Variants in FKBP11 observed in about 807,000 individuals in gnomAD.
The protein encoded by FKBP11 is FKBP prolyl isomerase 11.
Under a neutral mutation model 24.7 loss-of-function variants are expected in FKBP11, and 21 were observed. The ratio of observed to expected loss-of-function variants is 0.85; its 90% confidence interval spans 0.60 to 1.23. FKBP11 has a LOEUF of 1.23. Ranked by LOEUF, FKBP11 falls within the 50% of genes most tolerant of loss-of-function variation. The pLI, the probability that FKBP11 is intolerant of heterozygous loss-of-function variation, is 0.00. For synonymous variants in FKBP11, 106 were observed against 100.6 expected, an observed-to-expected ratio of 1.05 and a Z score of -0.32; for missense variants, 245 against 248.7, an observed-to-expected ratio of 0.99 and a Z score of 0.10.
chr12:48,923,558 G>C, intron 5 of FKBP11: 1 of 1,551,646 alleles, frequency 6.4e-7, no homozygotes, highest in Non-Finnish European at 8.7e-7. Flanking sequence ...CAAGTTACTG[G>C]CTGCTGGAGG....
upstream of FKBP11, among the ~76,000 whole-genome samples, chr12:48,931,192 A>C (rs1223726846): frequency 6.7e-6 from 1 of 150,072 alleles, no homozygotes; most frequent in Non-Finnish European, 1.5e-5. Context: ...TGTCAGACTA[A>C]GGCAGTGGGA....
the FKBP11 span, chr12:48,936,826 C>G: frequency 6.6e-6 from 1 of 152,078 alleles, no homozygotes. Context: ...AAATGAGCAA[C>G]AGCAGTGAAT....
Position 48,924,647 on chromosome 12 carries a change from C to T in FKBP11, c.197G>A (p.Gly66Glu), listed in dbSNP as rs1352848031. 3 of 1,613,708 alleles carry T rather than the reference C, an allele frequency of 1.9e-6. No individual in the cohort carries two copies. The highest frequency in any genetic ancestry group is 2.7e-5 in the African/African-American group (2 of 74,886). The change falls in exon 3 of 6, where the codon GGA becomes GAA. Residue 66 changes from glycine (G) to glutamate (E), a missense_variant and splice_region_variant. Transcript: ENST00000550765. ...AATAATACGTCCATCTACCAAGCTT[C>T]CCTGGGGGGAGAGAGCATCAAGAGC... ...FGDTLHIHYT[G>E]SLVDGRIIDT...
Position 48,924,579 on chromosome 12 carries a change from G to A in FKBP11, c.265C>T (p.Gln89Ter). The part of the protein sequence containing the change: ...TRDPLVIELG[Q>*]KQVIPGLEQS... ...CACATACCTGGAATCACCTGCTTTT[G>A]GCCAAGTTCTATAACCAGAGGGTCT... Residue 89 changes from glutamine (Q) to a stop codon, truncating the protein, a stop_gained, in exon 3 of 6, where the codon CAA becomes TAA. Transcript: ENST00000550765. LOFTEE classifies it high-confidence loss of function. 1.9e-6 allele frequency: 3 copies of A among 1,614,024 alleles called. No individual in the cohort carries two copies. The highest frequency in any genetic ancestry group is 1.7e-5 in the Admixed American group (1 of 60,022).
At chr12:48,925,139 T>C in intron 1 of FKBP11, 28 bp from the exon 2 acceptor site, 1 of 1,610,926 alleles carries the variant, frequency 6.2e-7, no homozygotes, top group South Asian at 1.1e-5. Context: ...GGGTCACGGA[T>C]GCTCTTCCAA....
Position 48,924,011 on chromosome 12 carries a change from T to A in FKBP11, c.318-159A>T, listed in dbSNP as rs748913291. ...ACAGGCTGGCCAGCAAAGGTGTCCA[T>A]CTCCCCATGTGCCTCAACTCCCCCG... On this transcript the variant is annotated intron_variant, in intron 4 of 5. Coordinates refer to ENST00000550765, the MANE Select transcript of FKBP11 (RefSeq NM_016594.3). 98 of 881,432 alleles carry A rather than the reference T, an allele frequency of 1.1e-4. No homozygotes were observed. In the African/African-American group the frequency reaches 1.5e-3, roughly 13 times the overall value. 54.6% of individuals were successfully genotyped at this position (881,432 alleles called of 1,614,324 possible).
At chr12:48,927,657 T>G (rs1939995809), upstream of FKBP11, among the ~76,000 whole-genome samples, 1 of 152,006 alleles carries the variant, frequency 6.6e-6, no homozygotes, top group Non-Finnish European at 1.5e-5. Context: ...CTTTAAAGAG[T>G]TAACTAGAAA....
chr12:48,923,525 G>A, intron 5 of FKBP11: 1 of 1,551,210 alleles, frequency 6.4e-7, no homozygotes, highest in Non-Finnish European at 8.7e-7. Flanking sequence ...GACCCATGTG[G>A]CCCAAGCAGG....
the FKBP11 span, among the ~76,000 whole-genome samples, chr12:48,932,247 ATATATATATATATATTTTTTTT>A: frequency 5.5e-5 from 2 of 36,174 alleles, no homozygotes; most frequent in South Asian, 1.3e-3. Context: ...ATATATATAT[ATATATATATATATATTTTTTTT>A]TTTTTTTTTT....
At chr12:48,924,874 G>A (rs1214879171) in intron 2 of FKBP11, 172 bp downstream of exon 2, 9 of 1,443,792 alleles carry the variant, frequency 6.2e-6, no homozygotes, top group African/African-American at 5.7e-5. Context: ...AAAGCAAGGA[G>A]GGAAAAGAGG....
In FKBP11 at chr12:48,924,150, G is replaced by C. The variant is rs1939899257; in HGVS notation, c.317+73C>G. 3 of 1,550,222 alleles carry C rather than the reference G, an allele frequency of 1.9e-6. No individual in the cohort carries two copies. The East Asian group carries it at 6.7e-5, about 35-fold the overall frequency. On this transcript the variant is annotated intron_variant, in intron 4 of 5. Transcript: ENST00000550765. ...TTTATTCCACATTCTCCTGCTTAAG[G>C]AGTGAGGATGGCCGAGAAAGCCTCT...
At chr12:48,928,835 T>G (rs1325501380), upstream of FKBP11, among the ~76,000 whole-genome samples, 1 of 144,946 alleles carries the variant, frequency 6.9e-6, no homozygotes, top group African/African-American at 2.6e-5. Flanking sequence ...TTTTTTTTTT[T>G]TTTTTGAGAC....
At chr12:48,932,249 ATATATATATATATTTTTTTTTTTTTTT>A in the FKBP11 span, among the ~76,000 whole-genome samples, 25 of 36,916 alleles carry the variant, frequency 6.8e-4, no homozygotes, top group South Asian at 2.6e-3. Context: ...ATATATATAT[ATATATATATATATTTTTTTTTTTTTTT>A]TTTTTTTTTT....
At chr12:48,925,747 T>C (rs939598094), upstream of FKBP11, 2 of 370,974 alleles carry the variant, frequency 5.4e-6, no homozygotes, top group African/African-American at 2.0e-5. Flanking sequence ...GGAGCTAGTC[T>C]CTAATCCTCA....
chr12:48,932,537 C>G, the FKBP11 span, among the ~76,000 whole-genome samples: 3 of 151,900 alleles, frequency 2.0e-5, no homozygotes, highest in African/African-American at 7.3e-5. Flanking sequence ...TCCCCTATGG[C>G]TGTTCTAATC....
upstream of FKBP11, among the ~76,000 whole-genome samples, chr12:48,930,910 C>T (rs1940040510): frequency 6.6e-6 from 1 of 151,914 alleles, no homozygotes; most frequent in African/African-American, 2.4e-5. Flanking sequence ...GGGCGGATCA[C>T]GAGGTCAGGA....
intron 4 of FKBP11, 112 bp from the exon 5 acceptor site, chr12:48,923,964 A>G (rs968202707): frequency 3.3e-5 from 37 of 1,135,076 alleles, no homozygotes; most frequent in Non-Finnish European, 5.0e-5. Flanking sequence ...CCAAAACACG[A>G]ATTTTTCCAC....
At chr12:48,926,154 T>C (rs1000168715), upstream of FKBP11, 1 of 152,116 alleles carries the variant, frequency 6.6e-6, no homozygotes, top group South Asian at 2.1e-4. Flanking sequence ...GGTGCTACTA[T>C]TTCCTTTCTC....
In FKBP11 at chr12:48,925,439, G is replaced by C; in HGVS notation, c.-11C>G. 6.4e-7 allele frequency: 1 copy of C among 1,554,450 alleles called. No homozygotes were observed. The highest frequency in any genetic ancestry group is 8.7e-7 in the Non-Finnish European group (1 of 1,150,830). On this transcript the variant is annotated 5_prime_UTR_variant, in exon 1 of 6. Coordinates refer to ENST00000550765, the MANE Select transcript of FKBP11 (RefSeq NM_016594.3). ...GGGGCGCAGGGTCATGACTGGGCGC[G>C]GGGCAGGGAGCCGGGGCACCAGGAC...
Sources: allele counts gnomAD v4.1 joint callset (sites outside exome capture counted in the v4.1 genomes callset), GRCh38; gene constraint gnomAD v4.1.1; transcripts MANE v1.5; gene names NCBI Gene and HGNC (gene_info 2026-07-23, HGNC 2026-07-21).